Variants in CNTNAP2 observed in about 807,000 individuals in gnomAD.
CNTNAP2 encodes contactin-associated protein-like 2.
Under a neutral mutation model 155.2 loss-of-function variants are expected in CNTNAP2, and 98 were observed. The observed-to-expected ratio is 0.63, with a 90% CI of 0.54 to 0.75. The LOEUF (loss-of-function observed/expected upper bound fraction) is 0.75, where lower values mean the gene tolerates loss of function less well. Among genes scored for constraint, CNTNAP2 ranks in the 30% least tolerant of loss-of-function variants. CNTNAP2 has a pLI of 0.00. For missense variants in CNTNAP2, 1,727 were observed against 1,688.1 expected (o/e 1.02, Z -0.40); for synonymous variants, 651 against 631.2 (o/e 1.03, Z -0.47).
chr7:148,007,457 C>G (rs1802001264), intron 15 of CNTNAP2, among the ~76,000 whole-genome samples: 1 of 152,164 alleles, frequency 6.6e-6, no homozygotes, highest in South Asian at 2.1e-4. Context: ...AGCCCTGACA[C>G]TACAGATTTA....
intron 1 of CNTNAP2, 60 bp from the exon 2 acceptor site, chr7:146,774,211 C>A: frequency 2.5e-6 from 3 of 1,189,492 alleles, no homozygotes; most frequent in South Asian, 1.3e-5. Context: ...CAACACATAC[C>A]AATCGTTATT....
chr7:146,960,963 C>A (rs182171798), intron 3 of CNTNAP2, among the ~76,000 whole-genome samples: 1 of 152,278 alleles, frequency 6.6e-6, no homozygotes, highest in African/African-American at 2.4e-5. Context: ...CTTTTGAATT[C>A]TTTCTCCTTT....
chr7:146,223,520 A>ATGAGTGAG (rs1214438948), intron 1 of CNTNAP2, among the ~76,000 whole-genome samples: 1 of 152,148 alleles, frequency 6.6e-6, no homozygotes, highest in Admixed American at 6.5e-5. Flanking sequence ...GTTTAGGTGA[A>ATGAGTGAG]TGAGTGAGAA....
chr7:147,167,424 A>G, intron 8 of CNTNAP2: 2 of 1,346,650 alleles, frequency 1.5e-6, no homozygotes, highest in Admixed American at 3.8e-5. Context: ...CTGGCTTGCT[A>G]GGAAGCTCAT....
chr7:147,116,502 G>T (rs564776973), intron 5 of CNTNAP2, among the ~76,000 whole-genome samples: 1 of 152,298 alleles, frequency 6.6e-6, no homozygotes, highest in South Asian at 2.1e-4. Flanking sequence ...GGCAGGGGTG[G>T]CCAGAGGCCC....
chr7:148,146,349 T>G (rs1805177163), intron 16 of CNTNAP2, among the ~76,000 whole-genome samples: 1 of 152,224 alleles, frequency 6.6e-6, no homozygotes, highest in South Asian at 2.1e-4. Flanking sequence ...AGCCTGAGGC[T>G]GCCTCTCCTG....
intron 13 of CNTNAP2, among the ~76,000 whole-genome samples, chr7:147,799,756 T>A (rs1797956235): frequency 6.6e-6 from 1 of 152,188 alleles, no homozygotes; most frequent in South Asian, 2.1e-4. Context: ...GGTAAACCTC[T>A]ATGGTTCAAA....
rs1409491064 is a variant in CNTNAP2, at chr7:148,416,792, C to CTTTT, written c.*1179_*1180insTTTT. ...AATCACACTGCTGTGATTCAGGGAT[C>CTTTT]TTTCTTCTAAGACGGACACATTTGA... is the stretch of plus-strand genomic sequence containing the variant. On this transcript the variant is annotated 3_prime_UTR_variant, in exon 24 of 24. Transcript: ENST00000361727. 4 of 125,150 alleles carry CTTTT rather than the reference C, an allele frequency of 3.2e-5. No individual in the cohort carries two copies. The highest frequency in any genetic ancestry group is 5.4e-5 in the African/African-American group (1 of 18,420). 7.8% of individuals were successfully genotyped at this position (125,150 alleles called of 1,614,324 possible).
chr7:146,686,971 C>T (rs1800611660), intron 1 of CNTNAP2, among the ~76,000 whole-genome samples: 6 of 152,148 alleles, frequency 3.9e-5, no homozygotes. Flanking sequence ...GATGATATTT[C>T]TTTAATCAAT....
At chr7:147,599,616 G>A (rs113214756) in intron 12 of CNTNAP2, among the ~76,000 whole-genome samples, 41 of 152,032 alleles carry the variant, frequency 2.7e-4, no homozygotes, top group Non-Finnish European at 5.1e-4. Flanking sequence ...GAAGTTTCTG[G>A]GGAAAAAAAT....
intron 14 of CNTNAP2, among the ~76,000 whole-genome samples, chr7:147,917,036 T>C (rs1018857393): frequency 3.9e-5 from 6 of 152,252 alleles, no homozygotes; most frequent in African/African-American, 1.4e-4. Flanking sequence ...TCTGTGACCA[T>C]GGCCTTTCTC....
chr7:148,162,316 T>C (rs1456680395), intron 17 of CNTNAP2, among the ~76,000 whole-genome samples: 2 of 152,222 alleles, frequency 1.3e-5, no homozygotes, highest in African/African-American at 4.8e-5. Context: ...CTGATATATT[T>C]GACATCTGGG....
chr7:147,265,145 G>C (rs1215411362), intron 8 of CNTNAP2, among the ~76,000 whole-genome samples: 4 of 152,094 alleles, frequency 2.6e-5, no homozygotes, highest in Admixed American at 2.6e-4. Flanking sequence ...CAGGGCTGTG[G>C]GTACCCAGAA....
intron 1 of CNTNAP2, among the ~76,000 whole-genome samples, chr7:146,195,696 A>G (rs1463228605): frequency 6.6e-6 from 1 of 152,216 alleles, no homozygotes; most frequent in African/African-American, 2.4e-5. Flanking sequence ...AGTCAATCCC[A>G]GGGTGACCAG....
At chr7:148,288,964 AAAAAAG>A (rs1348304102) in intron 21 of CNTNAP2, among the ~76,000 whole-genome samples, 1 of 137,320 alleles carries the variant, frequency 7.3e-6, no homozygotes, top group Non-Finnish European at 1.6e-5. Flanking sequence ...AAAAAAAAAA[AAAAAAG>A]AGAGAAAAAC....
At chr7:147,066,106 A>C (rs768947304) in intron 4 of CNTNAP2, among the ~76,000 whole-genome samples, 6 of 152,210 alleles carry the variant, frequency 3.9e-5, no homozygotes, top group Non-Finnish European at 7.3e-5. Context: ...CTGCAACAGG[A>C]GCTTGATGTA....
chr7:146,694,966 A>C (rs1017810788), intron 1 of CNTNAP2, among the ~76,000 whole-genome samples: 2 of 152,198 alleles, frequency 1.3e-5, no homozygotes, highest in African/African-American at 4.8e-5. Flanking sequence ...ATAATTAGTT[A>C]ATTGTTCCTG....
At chr7:146,610,814 A>G (rs1799124756) in intron 1 of CNTNAP2, among the ~76,000 whole-genome samples, 1 of 152,214 alleles carries the variant, frequency 6.6e-6, no homozygotes, top group African/African-American at 2.4e-5. Context: ...CCTGAATTGG[A>G]ATATGTTTTG....
At chr7:148,008,840 T>A (rs1399752853) in intron 15 of CNTNAP2, among the ~76,000 whole-genome samples, 1 of 152,254 alleles carries the variant, frequency 6.6e-6, no homozygotes, top group Non-Finnish European at 1.5e-5. Context: ...GATGCACTTT[T>A]ATCTTAGTTA....
Sources: gnomAD v4.1 joint callset for allele counts (sites outside exome capture counted in the v4.1 genomes callset) on GRCh38, gnomAD v4.1.1 for gene constraint, MANE v1.5 for transcripts, NCBI Gene and HGNC (gene_info 2026-07-23, HGNC 2026-07-21) for gene names.